Variants in TANK observed in about 807,000 individuals in gnomAD.
The protein encoded by TANK is TRAF family member associated NFKB activator.
TANK carries 15 observed loss-of-function variants against 43.6 expected under a neutral mutation model. The observed-to-expected ratio is 0.34, with a 90% CI of 0.23 to 0.53. The LOEUF is 0.53. Among genes scored for constraint, TANK ranks in the 20% least tolerant of loss-of-function variants. The pLI, the probability that TANK is intolerant of heterozygous loss-of-function variation, is 0.94. For missense variants in TANK, 417 were observed against 498.6 expected, an observed-to-expected ratio of 0.84 and a Z score of 1.56; for synonymous variants, 162 against 178.2, an observed-to-expected ratio of 0.91 and a Z score of 0.73.
intron 1 of TANK, among the ~76,000 whole-genome samples, chr2:161,144,682 T>C (rs1205065261): frequency 1.3e-5 from 2 of 152,202 alleles, no homozygotes; most frequent in African/African-American, 2.4e-5. Context: ...TAATTTCAGT[T>C]CTTTTGCATT....
At chr2:161,234,238 A>C (rs1361574362) in intron 7 of TANK, among the ~76,000 whole-genome samples, 1 of 152,224 alleles carries the variant, frequency 6.6e-6, no homozygotes, top group Non-Finnish European at 1.5e-5. Context: ...GAATGAAAGA[A>C]GTTAGGGGAA....
chr2:161,203,336 A>G (rs1028406935), intron 2 of TANK, 151 bp from the exon 3 acceptor site: 5 of 558,402 alleles, frequency 9.0e-6, no homozygotes, highest in African/African-American at 7.7e-5. Context: ...AATTACAAGT[A>G]CATTCCTGGA....
At chr2:161,169,131 A>C (rs1036419008) in intron 1 of TANK, among the ~76,000 whole-genome samples, 41 of 152,330 alleles carry the variant, frequency 2.7e-4, no homozygotes, top group African/African-American at 8.9e-4. Context: ...GAGATGGACA[A>C]AGGGTATCCC....
chr2:161,210,856 C>G (rs1686858486), intron 4 of TANK, among the ~76,000 whole-genome samples: 1 of 152,164 alleles, frequency 6.6e-6, no homozygotes, highest in Non-Finnish European at 1.5e-5. Flanking sequence ...CAAGTTCTTA[C>G]TTGCCTTTAT....
chr2:161,189,575 A>G (rs749534127), intron 2 of TANK, among the ~76,000 whole-genome samples: 2 of 152,192 alleles, frequency 1.3e-5, no homozygotes, highest in African/African-American at 2.4e-5. Context: ...AAAGCCATCA[A>G]ATTGGATACG....
chr2:161,166,547 G>A (rs769611439), intron 1 of TANK, among the ~76,000 whole-genome samples: 4 of 152,182 alleles, frequency 2.6e-5, no homozygotes, highest in Non-Finnish European at 4.4e-5. Flanking sequence ...TATATGTCGT[G>A]TTGTTGACTG....
chr2:161,188,713 AAAG>A (rs1478559781), intron 2 of TANK, among the ~76,000 whole-genome samples: 1 of 152,194 alleles, frequency 6.6e-6, no homozygotes, highest in African/African-American at 2.4e-5. Context: ...CACTATTAGA[AAAG>A]AAAACTACAG....
chr2:161,174,690 T>G (rs748130744), intron 1 of TANK, among the ~76,000 whole-genome samples: 1 of 152,190 alleles, frequency 6.6e-6, no homozygotes, highest in African/African-American at 2.4e-5. Flanking sequence ...AGAACTTGCC[T>G]TTTCTTTCAT....
intron 1 of TANK, among the ~76,000 whole-genome samples, chr2:161,143,455 C>A (rs920006397): frequency 2.7e-5 from 4 of 150,486 alleles, no homozygotes; most frequent in Non-Finnish European, 4.5e-5. Context: ...TATTAGCTGT[C>A]ATAAATAGCT....
Position 161,137,418 on chromosome 2 carries a change from A to T in TANK, c.-50+355A>T, listed in dbSNP as rs1330734325. Among the ~76,000 whole-genome samples, 6 of 152,004 alleles carry T rather than the reference A, an allele frequency of 3.9e-5. No individual in the cohort carries two copies. In the East Asian group the frequency reaches 7.7e-4, roughly 20 times the overall value. On this transcript the variant is annotated intron_variant, in intron 1 of 7. Transcript: ENST00000259075. ...TAGCCAAGACCAAGGAAAATTTTAA[A>T]TTTTTTTTAATTTTCTTTCTAACTT... is the stretch of plus-strand genomic sequence containing the variant.
At chr2:161,211,920 A>G (rs1686906583) in intron 4 of TANK, 1 of 982,682 alleles carries the variant, frequency 1.0e-6, no homozygotes, top group Non-Finnish European at 1.2e-6. Flanking sequence ...ATTTTTATAT[A>G]TAATGCTTCT....
At chr2:161,160,694 T>C in intron 1 of TANK, 1 of 485,442 alleles carries the variant, frequency 2.1e-6, no homozygotes. Flanking sequence ...GCGGACTCCT[T>C]GTGGGTTGGT....
chr2:161,157,841 A>C (rs1320598799), upstream of TANK, among the ~76,000 whole-genome samples: 1 of 151,962 alleles, frequency 6.6e-6, no homozygotes, highest in African/African-American at 2.4e-5. Flanking sequence ...GCACCACCAA[A>C]CCTGGCTAAT....
At chr2:161,211,204 T>C (rs1440998100) in intron 4 of TANK, among the ~76,000 whole-genome samples, 1 of 152,240 alleles carries the variant, frequency 6.6e-6, no homozygotes, top group Non-Finnish European at 1.5e-5. Flanking sequence ...ACTTGAACTC[T>C]GTTTTGCTTT....
intron 1 of TANK, chr2:161,161,110 G>A (rs1684412640): frequency 8.9e-7 from 1 of 1,128,298 alleles, no homozygotes. Context: ...GTTAGGTAGA[G>A]TCCTCACGCC....
At chr2:161,224,514 T>G in intron 5 of TANK, 117 bp from the exon 6 acceptor site, 1 of 470,636 alleles carries the variant, frequency 2.1e-6, no homozygotes, top group Middle Eastern at 5.7e-4. Flanking sequence ...AAAATAATTT[T>G]TTTTTACTTT....
intron 1 of TANK, chr2:161,161,555 T>TC (rs1166079152): frequency 7.3e-7 from 1 of 1,370,318 alleles, no homozygotes; most frequent in East Asian, 2.5e-5. Flanking sequence ...ATCCAAGCCT[T>TC]CCACATCTTT....
chr2:161,171,192 A>G (rs1684924029), intron 1 of TANK, among the ~76,000 whole-genome samples: 1 of 152,152 alleles, frequency 6.6e-6, no homozygotes, highest in Non-Finnish European at 1.5e-5. Context: ...CAAGTTTGGA[A>G]TGTTGATCTG....
intron 2 of TANK, among the ~76,000 whole-genome samples, chr2:161,191,629 G>A (rs1448865749): frequency 6.6e-6 from 1 of 151,916 alleles, no homozygotes; most frequent in Non-Finnish European, 1.5e-5. Context: ...TACTAAGTTA[G>A]TAGAATTAGT....
Sources: allele counts gnomAD v4.1 joint callset (sites outside exome capture counted in the v4.1 genomes callset), GRCh38; gene constraint gnomAD v4.1.1; transcripts MANE v1.5; gene names NCBI Gene and HGNC (gene_info 2026-07-23, HGNC 2026-07-21).